The following KCNN2 variants were observed in gnomAD, a reference collection of about 807,000 sequenced individuals.
KCNN2 encodes small conductance calcium-activated potassium channel protein 2.
Under a neutral mutation model 55.5 loss-of-function variants are expected in KCNN2, and 24 were observed. The observed-to-expected ratio is 0.43, with a 90% confidence interval of 0.31 to 0.61. KCNN2 has a LOEUF of 0.61. KCNN2 is among the 20% of genes least tolerant of loss of function. The pLI is 0.08. For synonymous variants in KCNN2, 431 were observed against 336.1 expected (o/e 1.28, Z -3.09); for missense variants, 754 against 853.6 (o/e 0.88, Z 1.45).
chr5:114,274,937 G>C (rs3112759), intron 2 of KCNN2, among the ~76,000 whole-genome samples: 136,590 of 152,120 alleles, frequency 0.9, 61,678 homozygotes, highest in Middle Eastern at 0.94. Context: ...AATGCTTCCA[G>C]TTTTTGCCAA....
chr5:114,366,757 A>T (rs1335050302), intron 2 of KCNN2, among the ~76,000 whole-genome samples: 10 of 152,202 alleles, frequency 6.6e-5, no homozygotes, highest in Non-Finnish European at 1.3e-4. Context: ...ATGTTTTTTC[A>T]TAAAAAGTTT....
chr5:114,226,843 G>A (rs923943196), intron 2 of KCNN2, among the ~76,000 whole-genome samples: 11 of 146,088 alleles, frequency 7.5e-5, no homozygotes, highest in Non-Finnish European at 3.0e-5. Flanking sequence ...GGAGCTTGCA[G>A]TGAGCTGAGA....
In KCNN2 at chr5:114,362,922, G is replaced by A. The variant is rs1757481430; in HGVS notation, c.783G>A (p.Pro261=). The A allele has an allele frequency of 1.9e-6, 3 of 1,572,212 alleles. No homozygotes were observed. The highest frequency in any genetic ancestry group is 2.6e-6 in the Non-Finnish European group (3 of 1,169,634). The change falls in exon 1 of 8, where the codon CCG becomes CCA. Residue 261 remains proline (P), a synonymous_variant. Coordinates refer to ENST00000673685, the MANE Select transcript of KCNN2 (RefSeq NM_021614.4). ...SVGGGGGASS[P]SAAAAAAAAV... ...GAGGAGGTGGCGGCGCGTCCTCCCC[G>A]TCTGCAGCCGCTGCCGCCGCCGCCG... is the stretch of plus-strand genomic sequence containing the variant.
Position 114,272,468 on chromosome 5 carries a change from C to T in KCNN2, c.-185+50903C>T, listed in dbSNP as rs77733769. On this transcript the variant is annotated intron_variant, in intron 2 of 10. Transcript: ENST00000512097. ...CACACATATGTATGTACATATCATACACACATATGTATGTACATATCATAT... is the reference window on the plus strand; with the variant it reads ...CACACATATGTATGTACATATCATATACACATATGTATGTACATATCATAT... Among the ~76,000 whole-genome samples, 38 of 138,878 alleles carry T rather than the reference C, an allele frequency of 2.7e-4. 1 individual carries two copies. The highest frequency in any genetic ancestry group is 9.0e-4 in the South Asian group (4 of 4,422). 91.1% of individuals were successfully genotyped at this position (138,878 alleles called of 152,430 possible).
chr5:114,346,232 GCGA>G (rs1757101799), intron 2 of KCNN2, among the ~76,000 whole-genome samples: 1 of 152,164 alleles, frequency 6.6e-6, no homozygotes, highest in Admixed American at 6.5e-5. Context: ...ATCAAGCCAT[GCGA>G]CGACAACACC....
chr5:114,299,787 C>T (rs1351955935), intron 2 of KCNN2, among the ~76,000 whole-genome samples: 1 of 152,170 alleles, frequency 6.6e-6, no homozygotes, highest in African/African-American at 2.4e-5. Context: ...TTCTGTGCTC[C>T]TTTGAGGAGG....
At chr5:114,162,848 G>T (rs1041750513) in intron 1 of KCNN2, among the ~76,000 whole-genome samples, 1 of 152,130 alleles carries the variant, frequency 6.6e-6, no homozygotes, top group African/African-American at 2.4e-5. Flanking sequence ...AAGTCGGTTG[G>T]AAAAGCGCAG....
chr5:114,275,814 G>A (rs976315425), intron 2 of KCNN2, among the ~76,000 whole-genome samples: 9 of 151,846 alleles, frequency 5.9e-5, no homozygotes, highest in East Asian at 1.9e-4. Context: ...AGGGTTTTTT[G>A]TGTCTCTATC....
chr5:114,377,320 A>G (rs1385788794), intron 2 of KCNN2, among the ~76,000 whole-genome samples: 1 of 152,122 alleles, frequency 6.6e-6, no homozygotes. Context: ...CTCTGATCCT[A>G]AGGGACATAT....
chr5:114,104,901 G>T (rs1751449779), intron 1 of KCNN2, among the ~76,000 whole-genome samples: 1 of 151,974 alleles, frequency 6.6e-6, no homozygotes, highest in Non-Finnish European at 1.5e-5. Context: ...AGAGGATTGT[G>T]CTCAGGGAGT....
At chr5:114,446,167 C>T (rs1760399340) in intron 3 of KCNN2, among the ~76,000 whole-genome samples, 5 of 152,082 alleles carry the variant, frequency 3.3e-5, no homozygotes, top group South Asian at 4.1e-4. Context: ...TTAAAGTATT[C>T]GACTTATTTT....
intron 1 of KCNN2, among the ~76,000 whole-genome samples, chr5:114,116,748 C>G (rs1486900726): frequency 1.3e-5 from 2 of 152,146 alleles, no homozygotes; most frequent in African/African-American, 4.8e-5. Context: ...ACTTGGCCAT[C>G]ATCCATTTTT....
At chr5:114,446,488 C>T (rs1023026082) in intron 3 of KCNN2, among the ~76,000 whole-genome samples, 2 of 152,128 alleles carry the variant, frequency 1.3e-5, no homozygotes, top group African/African-American at 4.8e-5. Flanking sequence ...GACAGAGTCT[C>T]GCCTTGTTGC....
At chr5:114,386,807 C>T (rs1317365383) in intron 2 of KCNN2, among the ~76,000 whole-genome samples, 1 of 152,176 alleles carries the variant, frequency 6.6e-6, no homozygotes, top group Non-Finnish European at 1.5e-5. Flanking sequence ...TCTCAGAATT[C>T]TGAGAGATTT....
intron 1 of KCNN2, among the ~76,000 whole-genome samples, chr5:114,144,081 G>A (rs1752346404): frequency 1.3e-5 from 2 of 152,170 alleles, no homozygotes; most frequent in Admixed American, 1.3e-4. Context: ...GTGTGCTTGA[G>A]AGGCCTCAAA....
At chr5:114,226,745 C>CA (rs2112598652) in intron 2 of KCNN2, among the ~76,000 whole-genome samples, 2 of 151,736 alleles carry the variant, frequency 1.3e-5, no homozygotes, top group Middle Eastern at 3.4e-3. Context: ...ACTAAAAATA[C>CA]AAAAAATCAA....
At chr5:114,398,777 C>G (rs1050860723) in intron 2 of KCNN2, among the ~76,000 whole-genome samples, 1 of 151,900 alleles carries the variant, frequency 6.6e-6, no homozygotes, top group Non-Finnish European at 1.5e-5. Flanking sequence ...TGGTTGTATT[C>G]CTAGGTATTT....
chr5:114,430,478 A>G (rs1271151923), intron 3 of KCNN2, among the ~76,000 whole-genome samples: 4 of 152,094 alleles, frequency 2.6e-5, no homozygotes, highest in Non-Finnish European at 5.9e-5. Flanking sequence ...ACCTTGCAAT[A>G]CTTACTTATT....
At chr5:114,284,477 C>G (rs951814064) in intron 2 of KCNN2, among the ~76,000 whole-genome samples, 3 of 151,960 alleles carry the variant, frequency 2.0e-5, no homozygotes, top group Admixed American at 6.5e-5. Flanking sequence ...ACATAACAAA[C>G]TAATCCAGAT....
Sources: gnomAD v4.1 joint callset for allele counts (sites outside exome capture counted in the v4.1 genomes callset) on GRCh38, gnomAD v4.1.1 for gene constraint, MANE v1.5 for transcripts, NCBI Gene and HGNC (gene_info 2026-07-23, HGNC 2026-07-21) for gene names.